Variants in SGPP2 observed in about 807,000 individuals in gnomAD.
The protein encoded by SGPP2 is sphingosine-1-phosphate phosphatase 2.
SGPP2 carries 30 observed loss-of-function variants against 33.9 expected under a neutral mutation model. That is an observed-to-expected ratio of 0.89 (90% CI 0.66 to 1.20). The LOEUF (loss-of-function observed/expected upper bound fraction) is 1.20. Ranked by LOEUF, SGPP2 falls within the 50% of genes most tolerant of loss-of-function variation. The pLI is 0.00. For synonymous variants in SGPP2, 233 were observed against 225.0 expected (o/e 1.04, Z -0.32); for missense variants, 458 against 532.1 (o/e 0.86, Z 1.37).
At chr2:222,449,893 C>G (rs1038269842) in intron 1 of SGPP2, among the ~76,000 whole-genome samples, 6 of 152,062 alleles carry the variant, frequency 3.9e-5, no homozygotes. Flanking sequence ...GGTCCATTGG[C>G]CCTGCTAGCA....
intron 1 of SGPP2, among the ~76,000 whole-genome samples, chr2:222,466,913 G>A (rs1376225482): frequency 1.3e-5 from 2 of 152,194 alleles, no homozygotes. Context: ...CTAGGGTTGA[G>A]GTGCTTGTCT....
In SGPP2 at chr2:222,489,829, G is replaced by A. The variant is rs575862982; in HGVS notation, c.378+15103G>A. On this transcript the variant is annotated intron_variant, in intron 2 of 4. Transcript: ENST00000321276. ...AAAAATACAAAATTAGCCAGGCATC[G>A]TGGCGCATGCCTGTAATCCCAGCTA... Among the ~76,000 whole-genome samples the A allele has an allele frequency of 3.3e-5, 5 of 152,196 alleles. No individual in the cohort carries two copies. In the South Asian group the frequency reaches 6.2e-4, roughly 19 times the overall value.
chr2:222,553,616 A>T (rs1026257282), intron 4 of SGPP2, among the ~76,000 whole-genome samples: 19 of 152,310 alleles, frequency 1.2e-4, no homozygotes, highest in Admixed American at 1.1e-3. Flanking sequence ...AAATTTGAGA[A>T]CGTTTCCCAT....
In SGPP2 at chr2:222,477,137, A is replaced by T. The variant is rs62648945; in HGVS notation, c.378+2411A>T. ...TATATATGTGTATGTGTGTGTATAT[A>T]GGTGTGTATATATCTGTGTGTGTGT... On this transcript the variant is annotated intron_variant, in intron 2 of 4. Coordinates refer to ENST00000321276, the MANE Select transcript of SGPP2 (RefSeq NM_152386.4). The surrounding 1 kb of genome is among the most constrained non-coding windows in gnomAD (Gnocchi z 6.0). 6.7e-4 allele frequency among the ~76,000 whole-genome samples: 101 copies of T among 151,150 alleles called. No homozygotes were observed. Among genetic ancestry groups the T allele is most frequent in the Non-Finnish European group, 1.1e-3 (75 of 67,732 alleles).
At chr2:222,540,072 A>G (rs999618263) in intron 4 of SGPP2, among the ~76,000 whole-genome samples, 13 of 152,220 alleles carry the variant, frequency 8.5e-5, no homozygotes, top group African/African-American at 3.1e-4. Context: ...AGAGATTTTC[A>G]TTCCAAAGTC....
rs1270970692 is a variant in SGPP2 at position 222,558,741 on chromosome 2, A to C, written c.1043A>C (p.Gln348Pro). The C allele has an allele frequency of 6.2e-7, 1 of 1,614,026 alleles. No individual in the cohort carries two copies. The highest frequency in any genetic ancestry group is 8.5e-7 in the Non-Finnish European group (1 of 1,180,016). The change falls in exon 5 of 5, where the codon CAA becomes CCA. Residue 348 changes from glutamine (Q) to proline (P), a missense_variant. By Grantham distance (76) the Gln-to-Pro change is moderately conservative. Transcript: ENST00000321276. ...CAGCTTGTACAAAATCTCTCACTGC[A>C]AGTATTATACTCATGGTTCAAGGTG... The part of the protein sequence containing the change: ...VRQLVQNLSL[Q>P]VLYSWFKVVT...
chr2:222,549,227 T>C (rs1437163588), intron 4 of SGPP2, among the ~76,000 whole-genome samples: 3 of 152,276 alleles, frequency 2.0e-5, no homozygotes, highest in South Asian at 4.1e-4. Context: ...AACAATTGAC[T>C]GAATGGGTTT....
chr2:222,494,723 A>G (rs1298394508), intron 2 of SGPP2, among the ~76,000 whole-genome samples: 2 of 152,242 alleles, frequency 1.3e-5, no homozygotes, highest in African/African-American at 4.8e-5. Flanking sequence ...AAACAATTGT[A>G]TAACTAGTCA....
intron 2 of SGPP2, among the ~76,000 whole-genome samples, chr2:222,506,376 A>G (rs748504301): frequency 1.3e-4 from 20 of 152,230 alleles, no homozygotes; most frequent in Non-Finnish European, 2.9e-4. Flanking sequence ...TGCAATTACA[A>G]GAAAAGCTAT....
chr2:222,469,010 A>G (rs544090576), intron 1 of SGPP2, among the ~76,000 whole-genome samples: 124 of 152,310 alleles, frequency 8.1e-4, no homozygotes, highest in Non-Finnish European at 1.5e-3. Context: ...TTTAAAAAAA[A>G]CTTTCAGAAA....
chr2:222,442,792 T>C (rs1697346248), intron 1 of SGPP2, among the ~76,000 whole-genome samples: 1 of 152,194 alleles, frequency 6.6e-6, no homozygotes, highest in Non-Finnish European at 1.5e-5. Context: ...AATATAATGG[T>C]GTAACATTGG....
chr2:222,542,363 A>G (rs1446726358), intron 4 of SGPP2, among the ~76,000 whole-genome samples: 1 of 152,214 alleles, frequency 6.6e-6, no homozygotes, highest in East Asian at 1.9e-4. Flanking sequence ...TATAAATGAC[A>G]CTACCCCAAA....
chr2:222,536,275 G>C (rs563132619), intron 4 of SGPP2, among the ~76,000 whole-genome samples: 1 of 152,134 alleles, frequency 6.6e-6, no homozygotes, highest in Non-Finnish European at 1.5e-5. Flanking sequence ...TCTGTAAAAC[G>C]AATCTGACCT....
chr2:222,558,769 C>G lies in SGPP2; in HGVS notation c.1071C>G (p.Val357=). The G allele has an allele frequency of 6.2e-7, 1 of 1,614,142 alleles. No homozygotes were observed. Among genetic ancestry groups the G allele is most frequent in the South Asian group, 1.1e-5 (1 of 91,064 alleles). ...TATTATACTCATGGTTCAAGGTGGT[C>G]ACCAGGAACAAGGAGGCCAGGCGGA... ...LQVLYSWFKV[V]TRNKEARRRL... The change falls in exon 5 of 5, where the codon GTC becomes GTG. Residue 357 remains valine, a synonymous_variant. Coordinates refer to ENST00000321276, the MANE Select transcript of SGPP2 (RefSeq NM_152386.4).
intron 2 of SGPP2, among the ~76,000 whole-genome samples, chr2:222,485,143 T>A (rs1698086099): frequency 6.6e-6 from 1 of 152,166 alleles, no homozygotes; most frequent in Non-Finnish European, 1.5e-5. Context: ...CTAAACCCCA[T>A]CCATTCTTTT....
chr2:222,518,281 A>G (rs944099168), intron 2 of SGPP2, among the ~76,000 whole-genome samples: 23 of 152,252 alleles, frequency 1.5e-4, no homozygotes, highest in African/African-American at 4.8e-4. Context: ...TTCTTCAAAC[A>G]TAGAAGGTGA....
intron 4 of SGPP2, among the ~76,000 whole-genome samples, chr2:222,534,685 T>C (rs1403233850): frequency 6.6e-6 from 1 of 152,246 alleles, no homozygotes; most frequent in African/African-American, 2.4e-5. Flanking sequence ...CAAGCCTTAC[T>C]TTCTGTTACA....
intron 4 of SGPP2, among the ~76,000 whole-genome samples, chr2:222,530,010 C>A (rs1217246927): frequency 6.6e-6 from 1 of 152,208 alleles, no homozygotes; most frequent in Non-Finnish European, 1.5e-5. Flanking sequence ...TTGTACATCT[C>A]CATCTTAGGT....
chr2:222,548,644 A>G (rs1689242271), intron 4 of SGPP2, among the ~76,000 whole-genome samples: 1 of 152,058 alleles, frequency 6.6e-6, no homozygotes, highest in Non-Finnish European at 1.5e-5. Context: ...ACCATGTGAC[A>G]GGTAAATCAG....
Sources: allele counts gnomAD v4.1 joint callset (sites outside exome capture counted in the v4.1 genomes callset), GRCh38; gene constraint gnomAD v4.1.1; non-coding constraint Gnocchi (gnomAD v3.1); transcripts MANE v1.5; gene names NCBI Gene and HGNC (gene_info 2026-07-23, HGNC 2026-07-21).